The following SIPA1L2 variants were observed in gnomAD, a reference collection of about 807,000 sequenced individuals.
The protein encoded by SIPA1L2 is signal-induced proliferation-associated 1-like protein 2.
In SIPA1L2, 56 loss-of-function variants were observed where a neutral mutation model predicts 163.9. The ratio of observed to expected loss-of-function variants is 0.34; its 90% CI spans 0.28 to 0.43. SIPA1L2 has a LOEUF of 0.43. SIPA1L2 is among the 20% of genes least tolerant of loss of function. The probability of loss-of-function intolerance (pLI) is 1.00; values close to 1 mark genes in which losing one functional copy is unlikely to be tolerated. For synonymous variants in SIPA1L2, 877 were observed against 865.7 expected (o/e 1.01, Z -0.23); for missense variants, 1,974 against 2,193.5 (o/e 0.90, Z 2.00).
chr1:232,484,808 C>T (rs1251531258), intron 5 of SIPA1L2, among the ~76,000 whole-genome samples: 1 of 152,218 alleles, frequency 6.6e-6, no homozygotes, highest in African/African-American at 2.4e-5. Flanking sequence ...CTTAATCTTA[C>T]TACCAGCAAT....
At position 232,630,115 on chromosome 1, in the gene SIPA1L2, C is replaced by G. The variant is rs1340861622; in HGVS notation, c.-565G>C. On this transcript the variant is annotated 5_prime_UTR_variant, in exon 1 of 23. Transcript: ENST00000674635. ...TCCTCCTCCTCTCGCTCCGCCAGCT[C>G]CTCCCGGGCTCCCAGTCTGCCGCGC... is the stretch of plus-strand genomic sequence containing the variant. Among the ~76,000 whole-genome samples, 1 of 151,238 alleles carries G rather than the reference C, an allele frequency of 6.6e-6. No individual in the cohort carries two copies. Among genetic ancestry groups the G allele is most frequent in the African/African-American group, 2.4e-5 (1 of 41,342 alleles).
chr1:232,511,609 T>G (rs1482079716), intron 3 of SIPA1L2, among the ~76,000 whole-genome samples: 1 of 152,144 alleles, frequency 6.6e-6, no homozygotes, highest in East Asian at 1.9e-4. Flanking sequence ...TCACAGTGGT[T>G]TAACGTTATA....
chr1:232,598,960 C>T (rs1558295615), intron 1 of SIPA1L2, among the ~76,000 whole-genome samples: 1 of 128,288 alleles, frequency 7.8e-6, no homozygotes, highest in Non-Finnish European at 1.6e-5. Context: ...ACCCTCTACC[C>T]CTCAAAAAAA....
At chr1:232,572,627 T>C (rs1191045236) in intron 2 of SIPA1L2, among the ~76,000 whole-genome samples, 1 of 150,234 alleles carries the variant, frequency 6.7e-6, no homozygotes, top group Non-Finnish European at 1.5e-5. Flanking sequence ...CCTCCAGTGG[T>C]ATTCTGTCAC....
Position 232,455,624 on chromosome 1 carries a change from CGAGGCG to C in SIPA1L2, c.3095+5257_3095+5262del, listed in dbSNP as rs1558190597. On this transcript the variant is annotated intron_variant, in intron 10 of 22. Transcript: ENST00000674635. Reference sequence around the variant, plus strand: ...TGAACCCGTGAGGCGGAGCTTGCAGCGAGGCGGAGCTTGCAGCGAGCCGGAGCTTGC... The same window carrying C: ...TGAACCCGTGAGGCGGAGCTTGCAGCGAGCTTGCAGCGAGCCGGAGCTTGC... Among the ~76,000 whole-genome samples the C allele has an allele frequency of 3.3e-3, 239 of 71,692 alleles. 1 individual carries two copies. The highest frequency in any genetic ancestry group is 0.014 in the African/African-American group (205 of 14,932). The allele number at this position is 71,692 out of a possible 152,430, so 47.0% of individuals were successfully genotyped here.
At chr1:232,477,219 CAG>C (rs1272609617) in intron 7 of SIPA1L2, among the ~76,000 whole-genome samples, 1 of 152,124 alleles carries the variant, frequency 6.6e-6, no homozygotes, top group Non-Finnish European at 1.5e-5. Flanking sequence ...CTTAACCATT[CAG>C]AGTCTTAGTT....
chr1:232,601,914 T>C (rs1661613793), intron 1 of SIPA1L2, among the ~76,000 whole-genome samples: 1 of 152,240 alleles, frequency 6.6e-6, no homozygotes, highest in African/African-American at 2.4e-5. Context: ...AACATACTAT[T>C]ATTTATGATT....
chr1:232,617,853 A>T (rs1488109349), intron 1 of SIPA1L2, among the ~76,000 whole-genome samples: 1 of 152,244 alleles, frequency 6.6e-6, no homozygotes. Flanking sequence ...TACTTCAAAA[A>T]ATGTAAAACT....
intron 22 of SIPA1L2, 26 bp downstream of exon 22, chr1:232,402,366 C>A (rs1262584881): frequency 9.4e-6 from 15 of 1,600,386 alleles, no homozygotes; most frequent in Non-Finnish European, 1.2e-5. Context: ...AGAAACAGTT[C>A]TGATTATGCT....
chr1:232,522,180 A>G (rs1159342126), intron 2 of SIPA1L2, among the ~76,000 whole-genome samples: 1 of 152,136 alleles, frequency 6.6e-6, no homozygotes, highest in African/African-American at 2.4e-5. Flanking sequence ...CCTAGATTAT[A>G]ATGAAACCCT....
rs1025532307 is a variant in SIPA1L2, at chr1:232,513,865, T to C, written c.1475A>G (p.Tyr492Cys). 3.8e-6 allele frequency: 6 copies of C among 1,567,360 alleles called. No homozygotes were observed. Among genetic ancestry groups the C allele is most frequent in the South Asian group, 1.2e-5 (1 of 82,366 alleles). Residue 492 changes from tyrosine (Y) to cysteine (C), a missense_variant, in exon 3 of 23, where the codon TAT becomes TGT. Tyr to Cys is a radical substitution (Grantham distance 194, BLOSUM62 -2). This residue lies in a region of SIPA1L2 where 607 missense variants were observed against 624.0 expected (regional missense o/e 0.97). Transcript: ENST00000674635. ...LGAYYYRKFF[Y>C]GKEHQNYFGI... The stretch of plus-strand genomic sequence containing the variant: ...CCATGGCTCTTCCTTACCTTTCCCA[T>C]AGAAGAATTTGCGGTAATAATAGGC...
chr1:232,522,871 A>G (rs949937590), intron 2 of SIPA1L2, among the ~76,000 whole-genome samples: 1 of 152,250 alleles, frequency 6.6e-6, no homozygotes, highest in African/African-American at 2.4e-5. Context: ...AAAGGAACCC[A>G]GTAAAGGAAA....
intron 21 of SIPA1L2, among the ~76,000 whole-genome samples, chr1:232,403,065 C>T (rs1284135055): frequency 2.6e-5 from 4 of 152,244 alleles, no homozygotes; most frequent in Admixed American, 6.5e-5. Context: ...GGCTGGTGAG[C>T]ATGTGCAGCC....
At chr1:232,472,682 CA>C (rs1306497551) in intron 7 of SIPA1L2, among the ~76,000 whole-genome samples, 1 of 152,184 alleles carries the variant, frequency 6.6e-6, no homozygotes, top group Non-Finnish European at 1.5e-5. Context: ...TGGAATGTGA[CA>C]ATCTCAGATA....
intron 1 of SIPA1L2, among the ~76,000 whole-genome samples, chr1:232,625,475 C>T (rs573785760): frequency 4.3e-4 from 66 of 152,150 alleles, no homozygotes; most frequent in Non-Finnish European, 6.8e-4. Flanking sequence ...ATGACATCAG[C>T]GCAAGATGGA....
chr1:232,426,954 T>C (rs1005574296), intron 17 of SIPA1L2, among the ~76,000 whole-genome samples: 1 of 152,256 alleles, frequency 6.6e-6, no homozygotes, highest in African/African-American at 2.4e-5. Flanking sequence ...TTTACATTTA[T>C]GAATGTAGCA....
At chr1:232,530,832 A>G (rs1398503729) in intron 2 of SIPA1L2, among the ~76,000 whole-genome samples, 2 of 152,098 alleles carry the variant, frequency 1.3e-5, no homozygotes, top group Admixed American at 1.3e-4. Flanking sequence ...TAAATACATG[A>G]CTCTAAAATC....
chr1:232,608,050 A>AAAAAAAAAAAAAAAAAC (rs1662044071), intron 1 of SIPA1L2, among the ~76,000 whole-genome samples: 9 of 62,528 alleles, frequency 1.4e-4, no homozygotes, highest in African/African-American at 4.1e-4. Context: ...TCCATCTCAA[A>AAAAAAAAAAAAAAAAAC]AAAAAAAAAA....
At chr1:232,549,847 C>T (rs937624825) in intron 2 of SIPA1L2, among the ~76,000 whole-genome samples, 3 of 152,140 alleles carry the variant, frequency 2.0e-5, no homozygotes, top group Non-Finnish European at 4.4e-5. Context: ...ACTATACCAC[C>T]GCTGCCTTAG....
Sources: gnomAD v4.1 joint callset for allele counts (sites outside exome capture counted in the v4.1 genomes callset) on GRCh38, gnomAD v4.1.1 for gene constraint, gnomAD v4.1.1 regional missense constraint, MANE v1.5 for transcripts, NCBI Gene and HGNC (gene_info 2026-07-23, HGNC 2026-07-21) for gene names.